Variants in SCAPER observed in about 807,000 individuals in gnomAD.
The protein encoded by SCAPER is S-phase cyclin A associated protein in the ER, also known as S phase cyclin A-associated protein in the endoplasmic reticulum.
SCAPER carries 98 observed loss-of-function variants against 182.2 expected under a neutral mutation model. The ratio of observed to expected loss-of-function variants is 0.54; its 90% CI spans 0.46 to 0.64. The LOEUF (loss-of-function observed/expected upper bound fraction) is 0.64, where lower values mean the gene tolerates loss of function less well. SCAPER is among the 30% of genes least tolerant of loss of function. The pLI is 0.00. For missense variants in SCAPER, 1,432 were observed against 1,690.0 expected, an observed-to-expected ratio of 0.85 and a Z score of 2.68; for synonymous variants, 605 against 564.6, an observed-to-expected ratio of 1.07 and a Z score of -1.01.
At chr15:76,580,233 A>G (rs1331068895) in intron 22 of SCAPER, among the ~76,000 whole-genome samples, 2 of 152,232 alleles carry the variant, frequency 1.3e-5, no homozygotes, top group African/African-American at 4.8e-5. Context: ...TCTTCTCCTT[A>G]GCACATGGAT....
chr15:76,764,238 T>A (rs983421644), intron 14 of SCAPER, among the ~76,000 whole-genome samples: 1 of 152,250 alleles, frequency 6.6e-6, no homozygotes, highest in East Asian at 1.9e-4. Context: ...TATGTATGCA[T>A]TGGCGTGGCA....
At chr15:76,764,888 A>T (rs1231888236) in intron 14 of SCAPER, 73 bp downstream of exon 14, 55 of 801,130 alleles carry the variant, frequency 6.9e-5, no homozygotes, top group Non-Finnish European at 1.0e-4. Flanking sequence ...AGCTTCTCTC[A>T]GACCAGAAGT....
At chr15:76,772,052 G>T in intron 9 of SCAPER, 98 bp from the exon 10 acceptor site, 1 of 648,092 alleles carries the variant, frequency 1.5e-6, no homozygotes, top group Non-Finnish European at 2.3e-6. Flanking sequence ...TAACTATGAA[G>T]AAGAAGAGGT....
intron 16 of SCAPER, among the ~76,000 whole-genome samples, chr15:76,730,341 G>C (rs991489584): frequency 6.6e-6 from 1 of 151,916 alleles, no homozygotes. Context: ...GGGAATTGGA[G>C]GGAATGCCCT....
At chr15:76,442,457 T>C (rs1258091999) in intron 25 of SCAPER, among the ~76,000 whole-genome samples, 1 of 152,208 alleles carries the variant, frequency 6.6e-6, no homozygotes, top group Non-Finnish European at 1.5e-5. Context: ...TTTGGTGTGT[T>C]GGGAGCACTG....
At chr15:76,900,303 C>T (rs531234012) in intron 1 of SCAPER, among the ~76,000 whole-genome samples, 1 of 149,482 alleles carries the variant, frequency 6.7e-6, no homozygotes, top group Non-Finnish European at 1.5e-5. Flanking sequence ...CTGCCACATC[C>T]CCCTCTCTGA....
intron 8 of SCAPER, among the ~76,000 whole-genome samples, chr15:76,791,871 A>C (rs558002787): frequency 5.1e-4 from 77 of 152,052 alleles, no homozygotes; most frequent in African/African-American, 1.8e-3. Flanking sequence ...AAACTTAATA[A>C]AATCTCAAAC....
At chr15:76,633,670 A>C (rs890141499) in intron 21 of SCAPER, among the ~76,000 whole-genome samples, 1 of 152,100 alleles carries the variant, frequency 6.6e-6, no homozygotes, top group Non-Finnish European at 1.5e-5. Context: ...GGAGGAGTGG[A>C]TTGGGGTCCT....
intron 15 of SCAPER, among the ~76,000 whole-genome samples, chr15:76,745,959 T>A (rs2061771798): frequency 6.6e-6 from 1 of 152,134 alleles, no homozygotes; most frequent in African/African-American, 2.4e-5. Flanking sequence ...AATACATAGA[T>A]CAGAAATTCC....
intron 8 of SCAPER, among the ~76,000 whole-genome samples, chr15:76,787,925 G>T (rs893186906): frequency 5.3e-5 from 8 of 152,038 alleles, no homozygotes; most frequent in African/African-American, 1.9e-4. Flanking sequence ...GGACAGACTG[G>T]TAGAAAATAT....
chr15:76,841,821 G>C lies in SCAPER; in HGVS notation c.306C>G (p.Tyr102Ter). Reference protein sequence around the residue: ...HPRKIDLRARYWAFLFDNLRR... With the variant: ...HPRKIDLRAR ...GAAGATTATCAAAAAGAAATGCCCA[G>C]TATCGAGCTCTTAGATCAATTTTCC... The change falls in exon 5 of 32, where the codon TAC becomes TAG. Residue 102 changes from tyrosine to a stop codon, truncating the protein, a stop_gained. Transcript: ENST00000563290. LOFTEE classifies it high-confidence loss of function. 8 of 1,613,902 alleles carry C rather than the reference G, an allele frequency of 5.0e-6. No homozygotes were observed. The highest frequency in any genetic ancestry group is 2.2e-5 in the East Asian group (1 of 44,876).
intron 22 of SCAPER, among the ~76,000 whole-genome samples, chr15:76,610,843 C>T (rs1259531147): frequency 6.6e-6 from 1 of 152,094 alleles, no homozygotes; most frequent in Non-Finnish European, 1.5e-5. Flanking sequence ...GGCCATAATA[C>T]CCAAAGTGAT....
chr15:76,538,536 A>T (rs1185126259), intron 23 of SCAPER, among the ~76,000 whole-genome samples: 1 of 152,110 alleles, frequency 6.6e-6, no homozygotes, highest in Non-Finnish European at 1.5e-5. Flanking sequence ...TGGACACAGG[A>T]AGGGGAACAT....
chr15:76,764,793 A>AT (rs1197024857), intron 14 of SCAPER, among the ~76,000 whole-genome samples, 168 bp downstream of exon 14: 1 of 152,186 alleles, frequency 6.6e-6, no homozygotes, highest in African/African-American at 2.4e-5. Context: ...GAAAATGACG[A>AT]TTTTTTAATA....
intron 24 of SCAPER, among the ~76,000 whole-genome samples, chr15:76,486,788 C>G (rs541886798): frequency 1.3e-5 from 2 of 152,256 alleles, no homozygotes; most frequent in African/African-American, 4.8e-5. Context: ...TGTGGCGATT[C>G]CTCAAAGACC....
At chr15:76,445,127 C>T (rs1329213186) in intron 25 of SCAPER, among the ~76,000 whole-genome samples, 6 of 152,170 alleles carry the variant, frequency 3.9e-5, no homozygotes, top group Non-Finnish European at 4.4e-5. Flanking sequence ...CCTATTCTCA[C>T]CTTTTCTCCT....
At chr15:76,425,839 AC>A in intron 26 of SCAPER, among the ~76,000 whole-genome samples, 1 of 151,928 alleles carries the variant, frequency 6.6e-6, no homozygotes, top group African/African-American at 2.4e-5. Flanking sequence ...AACAGTCAGG[AC>A]CCTCAGCTGC....
chr15:76,884,953 G>A (rs1029030046), intron 1 of SCAPER, among the ~76,000 whole-genome samples: 1 of 152,168 alleles, frequency 6.6e-6, no homozygotes, highest in Non-Finnish European at 1.5e-5. Context: ...TTCCACATAC[G>A]TGAAATGTCC....
intron 22 of SCAPER, among the ~76,000 whole-genome samples, chr15:76,614,801 A>T (rs1282534274): frequency 6.6e-6 from 1 of 152,232 alleles, no homozygotes; most frequent in Non-Finnish European, 1.5e-5. Context: ...GAATTTTTTA[A>T]AATAGAGAAA....
Sources: allele counts gnomAD v4.1 joint callset (sites outside exome capture counted in the v4.1 genomes callset), GRCh38; gene constraint gnomAD v4.1.1; transcripts MANE v1.5; gene names NCBI Gene and HGNC (gene_info 2026-07-23, HGNC 2026-07-21).